Variants in ARFGEF3 observed in about 807,000 individuals in gnomAD.
ARFGEF3 encodes ARFGEF family member 3, also known as brefeldin A-inhibited guanine nucleotide-exchange protein 3.
A neutral mutation model predicts 221.7 loss-of-function variants in ARFGEF3; 96 were observed. The ratio of observed to expected loss-of-function variants is 0.43; its 90% CI spans 0.37 to 0.51. The LOEUF is 0.51. Ranked by LOEUF, ARFGEF3 falls within the 20% of genes least tolerant of loss-of-function variation. The pLI is 0.00. For synonymous variants in ARFGEF3, 1,145 were observed against 1,126.8 expected, an observed-to-expected ratio of 1.02 and a Z score of -0.32; for missense variants, 2,410 against 2,789.9, an observed-to-expected ratio of 0.86 and a Z score of 3.07.
Position 138,233,816 on chromosome 6 carries a change from G to A in ARFGEF3, c.420+3964G>A, listed in dbSNP as rs368841052. Among the ~76,000 whole-genome samples, 11 of 152,270 alleles carry A rather than the reference G, an allele frequency of 7.2e-5. No individual in the cohort carries two copies. In the South Asian group the frequency reaches 2.3e-3, roughly 32 times the overall value. ...ATGCCTTGATCTATTTATCTCGGAA[G>A]CACCTTGTTATGTTATATTCTCTGC... is the stretch of plus-strand genomic sequence containing the variant. On this transcript the variant is annotated intron_variant, in intron 5 of 33. Transcript: ENST00000251691.
chr6:138,186,459 G>A (rs1337441620), intron 2 of ARFGEF3, among the ~76,000 whole-genome samples: 1 of 152,184 alleles, frequency 6.6e-6, no homozygotes, highest in Non-Finnish European at 1.5e-5. Flanking sequence ...CCAGAAAGAA[G>A]TCAAAGACAA....
At chr6:138,208,286 T>G (rs1777659912) in intron 3 of ARFGEF3, among the ~76,000 whole-genome samples, 1 of 152,194 alleles carries the variant, frequency 6.6e-6, no homozygotes, top group Non-Finnish European at 1.5e-5. Context: ...TTTAGGCATA[T>G]TTTTAGAGCG....
chr6:138,315,930 A>G (rs1779918620), intron 26 of ARFGEF3, among the ~76,000 whole-genome samples: 1 of 152,054 alleles, frequency 6.6e-6, no homozygotes. Flanking sequence ...GAGAACAATT[A>G]AAGTATTGAA....
chr6:138,184,783 CCT>C (rs1458284653), intron 2 of ARFGEF3, among the ~76,000 whole-genome samples: 1 of 152,170 alleles, frequency 6.6e-6, no homozygotes, highest in African/African-American at 2.4e-5. Flanking sequence ...TTTGAGCTGG[CCT>C]CTCTCATGGC....
intron 8 of ARFGEF3, among the ~76,000 whole-genome samples, chr6:138,251,077 G>A (rs1409994592): frequency 2.6e-5 from 4 of 152,106 alleles, no homozygotes; most frequent in Non-Finnish European, 5.9e-5. Context: ...CGCAACCCAC[G>A]GAAAAGCTGC....
chr6:138,214,226 A>G (rs966622677), intron 4 of ARFGEF3, among the ~76,000 whole-genome samples: 1 of 152,238 alleles, frequency 6.6e-6, no homozygotes, highest in Non-Finnish European at 1.5e-5. Context: ...AAAATTATAG[A>G]AGAGAGAATT....
At position 138,334,720 on chromosome 6, in the gene ARFGEF3, A is replaced by G; in HGVS notation, c.5874A>G (p.Lys1958=). 6.2e-7 allele frequency: 1 copy of G among 1,609,652 alleles called. No individual in the cohort carries two copies. Among genetic ancestry groups the G allele is most frequent in the Non-Finnish European group, 8.5e-7 (1 of 1,176,662 alleles). The change falls in exon 33 of 34, where the codon AAA becomes AAG. Residue 1958 remains lysine (K), a synonymous_variant. Coordinates refer to ENST00000251691, the MANE Select transcript of ARFGEF3 (RefSeq NM_020340.5). The surrounding 1 kb of genome is among the most constrained non-coding windows in gnomAD (Gnocchi z 5.1). The part of the protein sequence containing the change: ...STPSTGGFSG[K]ETPSEDDRSQ... ...CATCCACCGGGGGCTTCTCTGGGAAAGAAACCCCTTCCGAGGATGACAGAA... is the reference window on the plus strand; with the variant it reads ...CATCCACCGGGGGCTTCTCTGGGAAGGAAACCCCTTCCGAGGATGACAGAA...
At position 138,236,627 on chromosome 6, in the gene ARFGEF3, C is replaced by T. The variant is rs571045418; in HGVS notation, c.421-1882C>T. Among the ~76,000 whole-genome samples, 16 of 152,182 alleles carry T rather than the reference C, an allele frequency of 1.1e-4. No individual in the cohort carries two copies. The East Asian group carries it at 1.9e-3, about 18-fold the overall frequency. On this transcript the variant is annotated intron_variant, in intron 5 of 33. Transcript: ENST00000251691. ...GACTATAGGCGTGCACCACCATGCC[C>T]GGCTAATTTGTGTATTTTTTGTAGA...
intron 25 of ARFGEF3, 91 bp downstream of exon 25, chr6:138,311,601 C>T (rs375324361): frequency 3.3e-5 from 27 of 818,558 alleles, no homozygotes; most frequent in East Asian, 3.2e-4. Flanking sequence ...TGCTGAAGCC[C>T]GAGAGAGACA....
intron 4 of ARFGEF3, among the ~76,000 whole-genome samples, chr6:138,215,564 A>G (rs4896334): frequency 0.19 from 29,217 of 152,024 alleles, 4,198 homozygotes; most frequent in African/African-American, 0.38. Context: ...TTCAGCCTGG[A>G]GTTAAACCTG....
At chr6:138,249,805 G>T (rs1450844883) in intron 8 of ARFGEF3, among the ~76,000 whole-genome samples, 2 of 152,110 alleles carry the variant, frequency 1.3e-5, no homozygotes, top group African/African-American at 2.4e-5. Flanking sequence ...TCTAGAAATT[G>T]ATTGCTTTGT....
rs758919471 is a variant in ARFGEF3 at position 138,292,063 on chromosome 6, G to A, written c.3368+10G>A. ...CCACGCAAGCCGACAGGTGCGCGGC[G>A]CCGGCCTCCCACGCCCCGGGAGCCT... On this transcript the variant is annotated intron_variant, in intron 19 of 33. Coordinates refer to ENST00000251691, the MANE Select transcript of ARFGEF3 (RefSeq NM_020340.5). The A allele has an allele frequency of 3.9e-5, 55 of 1,408,814 alleles. No homozygotes were observed. The African/African-American group carries it at 6.4e-4, about 17-fold the overall frequency. The allele number at this position is 1,408,814 out of a possible 1,614,324, so 87.3% of individuals were successfully genotyped here.
chr6:138,325,641 G>A (rs117115394), intron 31 of ARFGEF3, among the ~76,000 whole-genome samples: 1 of 152,342 alleles, frequency 6.6e-6, no homozygotes, highest in East Asian at 1.9e-4. Context: ...CCTCCAAAGG[G>A]ATAGCTTCTG....
intron 7 of ARFGEF3, among the ~76,000 whole-genome samples, chr6:138,244,551 T>G (rs1278477904): frequency 6.6e-6 from 1 of 152,220 alleles, no homozygotes; most frequent in African/African-American, 2.4e-5. Flanking sequence ...ATTTCAGCCT[T>G]TTTCCCACTC....
At chr6:138,218,242 C>T (rs1777911691) in intron 4 of ARFGEF3, 1 of 1,612,978 alleles carries the variant, frequency 6.2e-7, no homozygotes, top group Admixed American at 1.7e-5. Context: ...TTTCGAAATA[C>T]CTTGTAGCAG....
rs1418474636 is a variant in ARFGEF3, at chr6:138,280,067, G to C, written c.2364G>C (p.Glu788Asp). Residue 788 changes from glutamate to aspartate, a missense_variant, in exon 14 of 34, where the codon GAG becomes GAC. Physicochemically the swap from Glu to Asp is conservative, Grantham distance 45. Coordinates refer to ENST00000251691, the MANE Select transcript of ARFGEF3 (RefSeq NM_020340.5). ...LMVFSQAWIE[E>D]LYHQVLDRNM... ...TCTTCTCTCAGGCCTGGATTGAGGA[G>C]CTCTACCATCAGGTGCTCGACAGGA... 1 of 1,613,916 alleles carries C rather than the reference G, an allele frequency of 6.2e-7. No homozygotes were observed. Among genetic ancestry groups the C allele is most frequent in the South Asian group, 1.1e-5 (1 of 91,076 alleles).
intron 12 of ARFGEF3, among the ~76,000 whole-genome samples, chr6:138,275,701 A>G (rs13192848): frequency 0.059 from 8,922 of 151,162 alleles, 375 homozygotes; most frequent in Non-Finnish European, 0.095. Context: ...CCAAGATCGC[A>G]CCACTGCACT....
At chr6:138,259,829 G>A (rs1281561182) in intron 10 of ARFGEF3, among the ~76,000 whole-genome samples, 2 of 152,040 alleles carry the variant, frequency 1.3e-5, no homozygotes, top group Admixed American at 6.5e-5. Context: ...CAGGAGAATC[G>A]CTTGAACCCA....
Position 138,162,131 on chromosome 6 carries a change from C to G in ARFGEF3, c.45C>G (p.Ser15Arg). 1 of 1,605,848 alleles carries G rather than the reference C, an allele frequency of 6.2e-7. No individual in the cohort carries two copies. Among genetic ancestry groups the G allele is most frequent in the Non-Finnish European group, 8.5e-7 (1 of 1,175,836 alleles). ...AGCTGCAGAAGGAGGCGTCCGGGAG[C>G]AAGTACAAAGCCATCAAGGAGAGCT... ...LRKLQKEASG[S>R]KYKAIKESCT... is the part of the protein sequence containing the mutation. Residue 15 changes from serine to arginine, a missense_variant, in exon 1 of 34, where the codon AGC becomes AGG. Physicochemically the swap from Ser to Arg is moderately radical, Grantham distance 110. This residue lies in a region of ARFGEF3 where 570 missense variants were observed against 586.9 expected (regional missense o/e 0.97). Transcript: ENST00000251691. The surrounding 1 kb of genome is among the most constrained non-coding windows in gnomAD (Gnocchi z 4.7).
Sources: gnomAD v4.1 joint callset for allele counts (sites outside exome capture counted in the v4.1 genomes callset) on GRCh38, gnomAD v4.1.1 for gene constraint, gnomAD v4.1.1 regional missense constraint, Gnocchi (gnomAD v3.1) non-coding constraint, MANE v1.5 for transcripts, NCBI Gene and HGNC (gene_info 2026-07-23, HGNC 2026-07-21) for gene names.